GLIS3: variants seen among roughly 807,000 people sequenced by gnomAD.
GLIS3 encodes the protein zinc finger protein GLIS3.
GLIS3 carries 53 observed loss-of-function variants against 78.6 expected under a neutral mutation model. That is an observed-to-expected ratio of 0.67 (90% confidence interval 0.54 to 0.85). The LOEUF is 0.85. Among genes scored for constraint, GLIS3 ranks in the 40% least tolerant of loss-of-function variants. The pLI is 0.00. For synonymous variants in GLIS3, 684 were observed against 509.9 expected (o/e 1.34, Z -4.60); for missense variants, 1,703 against 1,231.1 (o/e 1.38, Z -5.74).
intron 2 of GLIS3, among the ~76,000 whole-genome samples, chr9:4,159,519 G>C (rs5027095): frequency 0.29 from 43,454 of 151,998 alleles, 6,282 homozygotes; most frequent in South Asian, 0.36. Flanking sequence ...AGGAGTTTGA[G>C]ACCAGCCTGG....
chr9:4,420,852 T>C, the GLIS3 span, among the ~76,000 whole-genome samples: 3 of 152,238 alleles, frequency 2.0e-5, no homozygotes, highest in Admixed American at 6.5e-5. Flanking sequence ...CTAGTTATAA[T>C]AGCCACCTGA....
At chr9:4,363,021 C>T in the GLIS3 span, among the ~76,000 whole-genome samples, 1 of 152,154 alleles carries the variant, frequency 6.6e-6, no homozygotes, top group Admixed American at 6.5e-5. Context: ...GAGAAGTGAA[C>T]ACTGGTCCAT....
At chr9:4,351,924 C>G (rs747656302), upstream of GLIS3, among the ~76,000 whole-genome samples, 18 of 152,038 alleles carry the variant, frequency 1.2e-4, no homozygotes, top group Admixed American at 6.5e-4. Flanking sequence ...CTAGTAGTGC[C>G]TGTATTTGAG....
rs144056722 is a variant in GLIS3 at position 3,876,486 on chromosome 9, G to A, written c.2297+2941C>T. Among the ~76,000 whole-genome samples the A allele has an allele frequency of 5.2e-4, 78 of 150,302 alleles. 1 individual carries two copies. In the East Asian group the frequency reaches 0.014, roughly 28 times the overall value. On this transcript the variant is annotated intron_variant, in intron 8 of 10. Coordinates refer to ENST00000381971, the MANE Select transcript of GLIS3 (RefSeq NM_001042413.2). ...ATTATATCAATGTTAAATTTCCTGA[G>A]TATGATTATTATATTGGGTTTATGT...
At chr9:4,001,067 C>G (rs772002393) in intron 4 of GLIS3, among the ~76,000 whole-genome samples, 1 of 152,210 alleles carries the variant, frequency 6.6e-6, no homozygotes. Flanking sequence ...ATGTCATGCA[C>G]TGTGCCAGGC....
At chr9:3,899,237 A>G (rs142626768) in intron 6 of GLIS3, among the ~76,000 whole-genome samples, 1 of 152,338 alleles carries the variant, frequency 6.6e-6, no homozygotes, top group African/African-American at 2.4e-5. Flanking sequence ...CATCCCAGAG[A>G]TGATTAAGAA....
chr9:3,963,162 A>G (rs959471972), intron 4 of GLIS3, among the ~76,000 whole-genome samples: 1 of 152,202 alleles, frequency 6.6e-6, no homozygotes, highest in African/African-American at 2.4e-5. Context: ...TGTTCTTTGA[A>G]AGACTTATTT....
At chr9:3,837,890 G>C (rs79167418) in intron 9 of GLIS3, among the ~76,000 whole-genome samples, 5,395 of 152,000 alleles carry the variant, frequency 0.035, 338 homozygotes, top group African/African-American at 0.12. Context: ...CCTAATATCA[G>C]CTGTGGACTT....
chr9:4,361,905 G>C, the GLIS3 span, among the ~76,000 whole-genome samples: 615 of 152,252 alleles, frequency 4.0e-3, 6 homozygotes, highest in African/African-American at 0.014. Context: ...TGTTGTTTTT[G>C]CAAGTTTGGA....
the GLIS3 span, among the ~76,000 whole-genome samples, chr9:4,419,958 A>G: frequency 6.6e-6 from 1 of 152,184 alleles, no homozygotes; most frequent in East Asian, 1.9e-4. Flanking sequence ...GAGCAGGGAC[A>G]CAGAATTAAA....
chr9:4,388,628 A>T, the GLIS3 span, among the ~76,000 whole-genome samples: 1 of 152,170 alleles, frequency 6.6e-6, no homozygotes, highest in South Asian at 2.1e-4. Flanking sequence ...GTGAGCCGAG[A>T]TGGCGCCACT....
the GLIS3 span, among the ~76,000 whole-genome samples, chr9:4,428,915 C>G: frequency 6.6e-6 from 1 of 152,160 alleles, no homozygotes; most frequent in African/African-American, 2.4e-5. Context: ...CTGACACCCC[C>G]ATACCAATTC....
At chr9:4,304,538 C>A (rs2130501483), upstream of GLIS3, among the ~76,000 whole-genome samples, 1 of 151,822 alleles carries the variant, frequency 6.6e-6, no homozygotes, top group Non-Finnish European at 1.5e-5. Flanking sequence ...GAATTCTAGC[C>A]TCAAAATAAA....
the GLIS3 span, among the ~76,000 whole-genome samples, chr9:4,381,963 C>G: frequency 3.3e-5 from 5 of 152,196 alleles, no homozygotes; most frequent in Admixed American, 3.3e-4. Flanking sequence ...CCAGCACAGG[C>G]TGGGTGGAAT....
chr9:4,081,756 C>A (rs1166601837), intron 4 of GLIS3, among the ~76,000 whole-genome samples: 2 of 152,194 alleles, frequency 1.3e-5, no homozygotes, highest in South Asian at 2.1e-4. Flanking sequence ...CAACAGTGAG[C>A]TGCACTGCAG....
At chr9:3,887,539 T>C (rs1186988612) in intron 7 of GLIS3, among the ~76,000 whole-genome samples, 1 of 152,206 alleles carries the variant, frequency 6.6e-6, no homozygotes. Context: ...TCAGGTTCTC[T>C]TACAAACAGA....
intron 4 of GLIS3, among the ~76,000 whole-genome samples, chr9:3,966,149 C>G (rs967986794): frequency 6.6e-6 from 1 of 152,186 alleles, no homozygotes; most frequent in African/African-American, 2.4e-5. Context: ...TTATTGGAAA[C>G]TGATATGTTC....
At chr9:4,053,723 A>AAAAAAAAAAAAAAAG (rs33993580) in intron 4 of GLIS3, among the ~76,000 whole-genome samples, 2 of 151,006 alleles carry the variant, frequency 1.3e-5, no homozygotes, top group Non-Finnish European at 3.0e-5. Flanking sequence ...AAAAAAAAAA[A>AAAAAAAAAAAAAAAG]TTCTGGATAG....
At chr9:4,180,336 G>A (rs904448566) in intron 2 of GLIS3, among the ~76,000 whole-genome samples, 2 of 152,106 alleles carry the variant, frequency 1.3e-5, no homozygotes, top group Non-Finnish European at 2.9e-5. Flanking sequence ...CAATTTAGTC[G>A]CAAGAGGAAG....
Sources: gnomAD v4.1 joint callset for allele counts (sites outside exome capture counted in the v4.1 genomes callset) on GRCh38, gnomAD v4.1.1 for gene constraint, MANE v1.5 for transcripts, NCBI Gene and HGNC (gene_info 2026-07-23, HGNC 2026-07-21) for gene names.